The following WDR70 variants were observed in gnomAD, a reference collection of about 807,000 sequenced individuals.
WDR70 encodes the protein WD repeat-containing protein 70.
In WDR70, 53 loss-of-function variants were observed where a neutral mutation model predicts 88.6. The ratio of observed to expected loss-of-function variants is 0.60; its 90% CI spans 0.48 to 0.75. WDR70 has a LOEUF of 0.75. Ranked by LOEUF, WDR70 falls within the 30% of genes least tolerant of loss-of-function variation. The probability of loss-of-function intolerance (pLI) is 0.00; values close to 1 mark genes in which losing one functional copy is unlikely to be tolerated. For missense variants in WDR70, 610 were observed against 823.2 expected (o/e 0.74, Z 3.17); for synonymous variants, 280 against 270.0 (o/e 1.04, Z -0.36).
At chr5:37,699,373 G>T (rs559634414) in intron 11 of WDR70, among the ~76,000 whole-genome samples, 1 of 118,168 alleles carries the variant, frequency 8.5e-6, no homozygotes, top group Admixed American at 9.0e-5. Context: ...GTGTGTGTGT[G>T]TATATATATG....
intron 7 of WDR70, among the ~76,000 whole-genome samples, chr5:37,468,866 A>G (rs923015253): frequency 2.6e-5 from 4 of 152,172 alleles, no homozygotes; most frequent in African/African-American, 4.8e-5. Context: ...TAGAGTTGAT[A>G]TGAAGTATAT....
chr5:37,752,247 A>G (rs1748834703), intron 17 of WDR70, among the ~76,000 whole-genome samples: 2 of 152,200 alleles, frequency 1.3e-5, no homozygotes, highest in African/African-American at 2.4e-5. Flanking sequence ...AGGAAAGAAC[A>G]GTGTGTATGT....
intron 9 of WDR70, among the ~76,000 whole-genome samples, chr5:37,603,296 G>A (rs78819267): frequency 0.14 from 20,850 of 152,088 alleles, 1,639 homozygotes; most frequent in South Asian, 0.27. Flanking sequence ...ACTGGAACAT[G>A]ATATAGTCCA....
chr5:37,504,450 A>G (rs1321310009), intron 8 of WDR70, among the ~76,000 whole-genome samples: 1 of 152,176 alleles, frequency 6.6e-6, no homozygotes, highest in Non-Finnish European at 1.5e-5. Flanking sequence ...ATCCTTCTGC[A>G]GTTTTAGGTT....
At chr5:37,403,606 GCAAC>G (rs1267323981) in intron 5 of WDR70, among the ~76,000 whole-genome samples, 1 of 152,202 alleles carries the variant, frequency 6.6e-6, no homozygotes, top group Non-Finnish European at 1.5e-5. Context: ...TAATAGGAAA[GCAAC>G]CAATTTCACA....
intron 8 of WDR70, among the ~76,000 whole-genome samples, chr5:37,488,828 G>A (rs1056572734): frequency 3.9e-5 from 6 of 151,988 alleles, no homozygotes; most frequent in Admixed American, 3.9e-4. Flanking sequence ...GAGAATTATT[G>A]TGTTCCCTTG....
intron 7 of WDR70, among the ~76,000 whole-genome samples, chr5:37,449,282 T>G (rs1207736449): frequency 6.6e-6 from 1 of 152,140 alleles, no homozygotes. Context: ...AAATACTCCC[T>G]TAATTTTTGA....
At chr5:37,612,786 G>A (rs530064691) in intron 10 of WDR70, among the ~76,000 whole-genome samples, 11 of 152,278 alleles carry the variant, frequency 7.2e-5, no homozygotes, top group African/African-American at 2.4e-4. Context: ...AAGTAACAAT[G>A]CTATGGACCC....
At chr5:37,673,086 T>C (rs1746079877) in intron 10 of WDR70, among the ~76,000 whole-genome samples, 1 of 152,162 alleles carries the variant, frequency 6.6e-6, no homozygotes, top group South Asian at 2.1e-4. Flanking sequence ...CAGTGTGTGT[T>C]GTTCCCGTCT....
intron 17 of WDR70, among the ~76,000 whole-genome samples, chr5:37,734,905 C>T (rs892328335): frequency 1.1e-4 from 17 of 152,018 alleles, no homozygotes; most frequent in Non-Finnish European, 1.5e-4. Flanking sequence ...TTGATACGAC[C>T]GTTATATGAT....
intron 9 of WDR70, among the ~76,000 whole-genome samples, chr5:37,578,355 G>A (rs894030096): frequency 3.9e-5 from 6 of 152,124 alleles, no homozygotes; most frequent in Non-Finnish European, 7.3e-5. Flanking sequence ...TCTGTACTAG[G>A]GCATTGCCAT....
intron 17 of WDR70, among the ~76,000 whole-genome samples, chr5:37,735,361 T>C (rs538932063): frequency 3.9e-5 from 6 of 152,252 alleles, no homozygotes; most frequent in Admixed American, 3.9e-4. Flanking sequence ...GCAAGGTAGG[T>C]AGATCAGGCA....
At chr5:37,400,288 C>T (rs964743250) in intron 5 of WDR70, among the ~76,000 whole-genome samples, 1 of 152,066 alleles carries the variant, frequency 6.6e-6, no homozygotes, top group Non-Finnish European at 1.5e-5. Flanking sequence ...TTGAAGTTCA[C>T]ATATATGTTA....
At chr5:37,379,421 G>C in intron 1 of WDR70, 29 bp downstream of exon 1, 1 of 1,613,670 alleles carries the variant, frequency 6.2e-7, no homozygotes, top group Non-Finnish European at 8.5e-7. Context: ...GTCCGGGCGG[G>C]GTGGGCCGTG....
At chr5:37,479,167 T>G (rs1444697600) in intron 7 of WDR70, among the ~76,000 whole-genome samples, 2 of 152,112 alleles carry the variant, frequency 1.3e-5, no homozygotes, top group Non-Finnish European at 2.9e-5. Context: ...CAGGTAAAGA[T>G]AAGTTTATAA....
intron 17 of WDR70, among the ~76,000 whole-genome samples, chr5:37,746,234 C>T (rs1415814156): frequency 6.6e-6 from 1 of 151,966 alleles, no homozygotes; most frequent in Non-Finnish European, 1.5e-5. Flanking sequence ...CCAATGAGAA[C>T]AAAGAGACAA....
intron 10 of WDR70, among the ~76,000 whole-genome samples, chr5:37,646,208 A>C (rs1239744313): frequency 1.1e-4 from 16 of 152,120 alleles, no homozygotes; most frequent in Non-Finnish European, 2.9e-5. Context: ...ACTGGTGGCA[A>C]CTTAACACTG....
chr5:37,563,579 C>T (rs867102843), intron 9 of WDR70, among the ~76,000 whole-genome samples: 1,274 of 62,100 alleles, frequency 0.021, 244 homozygotes, highest in African/African-American at 0.055. Flanking sequence ...ACCTCCCTCC[C>T]GGACGGGCGG....
intron 5 of WDR70, among the ~76,000 whole-genome samples, chr5:37,415,898 ACATCTCAGAC>A (rs1277469583): frequency 6.7e-6 from 1 of 148,700 alleles, no homozygotes; most frequent in Non-Finnish European, 1.5e-5. Context: ...GACGCTCCCC[ACATCTCAGAC>A]GATGGGCCGC....
Sources: allele counts gnomAD v4.1 joint callset (sites outside exome capture counted in the v4.1 genomes callset), GRCh38; gene constraint gnomAD v4.1.1; transcripts MANE v1.5; gene names NCBI Gene and HGNC (gene_info 2026-07-23, HGNC 2026-07-21).